Variants in NALF1 observed in about 807,000 individuals in gnomAD.
NALF1 encodes the protein NALCN channel auxiliary factor 1.
A neutral mutation model predicts 48.4 loss-of-function variants in NALF1; 3 were observed. The observed-to-expected ratio is 0.06, with a 90% CI of 0.03 to 0.16. The LOEUF (loss-of-function observed/expected upper bound fraction) is 0.16. Among genes scored for constraint, NALF1 ranks in the 10% least tolerant of loss-of-function variants. The probability of loss-of-function intolerance (pLI) is 1.00; values close to 1 mark genes in which losing one functional copy is unlikely to be tolerated. For synonymous variants in NALF1, 262 were observed against 245.7 expected (o/e 1.07, Z -0.62); for missense variants, 526 against 571.5 (o/e 0.92, Z 0.81).
At chr13:107,823,869 A>G (rs1163920308) in intron 1 of NALF1, among the ~76,000 whole-genome samples, 6 of 152,182 alleles carry the variant, frequency 3.9e-5, no homozygotes, top group African/African-American at 1.4e-4. Flanking sequence ...AATGCGGATA[A>G]TAGTAATGCT....
At chr13:107,378,322 G>T (rs1234144360) in intron 1 of NALF1, among the ~76,000 whole-genome samples, 1 of 151,886 alleles carries the variant, frequency 6.6e-6, no homozygotes, top group African/African-American at 2.4e-5. Context: ...GTATACTTGA[G>T]TTATATATGA....
At chr13:107,443,061 G>A (rs765830936) in intron 1 of NALF1, among the ~76,000 whole-genome samples, 1 of 152,152 alleles carries the variant, frequency 6.6e-6, no homozygotes, top group Non-Finnish European at 1.5e-5. Flanking sequence ...AGCATTTGTG[G>A]TGGGTTAAAG....
At chr13:107,534,230 G>C (rs9520479) in intron 1 of NALF1, among the ~76,000 whole-genome samples, 64,541 of 152,016 alleles carry the variant, frequency 0.42, 16,293 homozygotes, top group Non-Finnish European at 0.56. Flanking sequence ...ACTCTGGAAA[G>C]TATGATCTTT....
chr13:107,250,666 T>C (rs1474659110), intron 1 of NALF1, among the ~76,000 whole-genome samples: 1 of 152,214 alleles, frequency 6.6e-6, no homozygotes, highest in Non-Finnish European at 1.5e-5. Flanking sequence ...TCTTCTCTAA[T>C]AAACAGTATG....
intron 1 of NALF1, among the ~76,000 whole-genome samples, chr13:107,556,610 G>C (rs886901224): frequency 2.0e-5 from 3 of 151,988 alleles, no homozygotes; most frequent in African/African-American, 7.3e-5. Context: ...TCCTGTCTCA[G>C]CCTCCCAAGT....
intron 1 of NALF1, among the ~76,000 whole-genome samples, chr13:107,709,815 C>T (rs955463494): frequency 9.9e-5 from 15 of 152,154 alleles, no homozygotes; most frequent in South Asian, 2.1e-4. Flanking sequence ...GCTAAGATGA[C>T]GATCTCAAAC....
chr13:107,349,352 C>G (rs997588044), intron 1 of NALF1, among the ~76,000 whole-genome samples: 2 of 152,086 alleles, frequency 1.3e-5, no homozygotes, highest in African/African-American at 2.4e-5. Context: ...GTGACGTCTG[C>G]CCCTTGTTGA....
intron 1 of NALF1, among the ~76,000 whole-genome samples, chr13:107,588,863 G>A (rs974827641): frequency 1.3e-5 from 2 of 152,020 alleles, no homozygotes; most frequent in Non-Finnish European, 2.9e-5. Flanking sequence ...TGTAAACCTC[G>A]GTAAATGGCA....
chr13:107,291,859 A>G (rs1440882371), intron 1 of NALF1, among the ~76,000 whole-genome samples: 4 of 152,208 alleles, frequency 2.6e-5, no homozygotes. Context: ...TTTTACTTTA[A>G]CAGTACATAT....
chr13:107,419,569 G>T (rs1223331034), intron 1 of NALF1, among the ~76,000 whole-genome samples: 1 of 152,304 alleles, frequency 6.6e-6, no homozygotes, highest in Admixed American at 6.5e-5. Flanking sequence ...TGAGGCACAG[G>T]TGGAAGTCCC....
chr13:107,243,254 C>T (rs1166745678), intron 1 of NALF1, among the ~76,000 whole-genome samples: 1 of 152,154 alleles, frequency 6.6e-6, no homozygotes, highest in African/African-American at 2.4e-5. Flanking sequence ...ATGCATCTTA[C>T]ATATTTTATG....
intron 1 of NALF1, among the ~76,000 whole-genome samples, chr13:107,471,095 A>G (rs1885092983): frequency 6.6e-6 from 1 of 152,216 alleles, no homozygotes; most frequent in Non-Finnish European, 1.5e-5. Context: ...CCATTGATAA[A>G]GCTGGCCATC....
At chr13:107,295,698 G>T (rs1881711978) in intron 1 of NALF1, among the ~76,000 whole-genome samples, 1 of 152,208 alleles carries the variant, frequency 6.6e-6, no homozygotes, top group African/African-American at 2.4e-5. Flanking sequence ...AACAAGAAAT[G>T]CTTGGCTGCA....
intron 1 of NALF1, among the ~76,000 whole-genome samples, chr13:107,807,130 T>A (rs1426860694): frequency 6.6e-6 from 1 of 152,160 alleles, no homozygotes; most frequent in Admixed American, 6.5e-5. Flanking sequence ...TTATCCTTTT[T>A]AAATTCAACT....
chr13:107,611,978 A>AGAGG (rs1566414507), intron 1 of NALF1, among the ~76,000 whole-genome samples: 3 of 139,160 alleles, frequency 2.2e-5, no homozygotes, highest in Non-Finnish European at 1.5e-5. Context: ...GAAAGAAGAG[A>AGAGG]AGAGAAGAGG....
intron 1 of NALF1, among the ~76,000 whole-genome samples, chr13:107,630,143 C>T (rs552604964): frequency 4.6e-5 from 7 of 151,554 alleles, no homozygotes; most frequent in East Asian, 2.0e-4. Context: ...TCAAGGTCAT[C>T]GCCAAGGTCT....
intron 2 of NALF1, among the ~76,000 whole-genome samples, chr13:107,171,956 T>C (rs1206598046): frequency 6.6e-6 from 1 of 152,220 alleles, no homozygotes; most frequent in Non-Finnish European, 1.5e-5. Flanking sequence ...TGGGCTGCTG[T>C]GAAAAACAAT....
chr13:107,308,697 T>G (rs55654204), intron 1 of NALF1, among the ~76,000 whole-genome samples: 6,649 of 152,308 alleles, frequency 0.044, 227 homozygotes, highest in East Asian at 0.19. Context: ...TGCTCAGTGA[T>G]TGAAAATATA....
rs189400268 is a variant in NALF1, at chr13:107,599,818, A to G, written c.915+265864T>C. Among the ~76,000 whole-genome samples, 359 of 152,324 alleles carry G rather than the reference A, an allele frequency of 2.4e-3. 2 individuals are homozygous for G. The highest frequency in any genetic ancestry group is 2.8e-3 in the Non-Finnish European group (191 of 68,028). ...TTCTTTATCTAAACAAGTTGTATAG[A>G]GTATGTTAGGGTAATCATACCTGCA... is the stretch of plus-strand genomic sequence containing the variant. On this transcript the variant is annotated intron_variant, in intron 1 of 2. Coordinates refer to ENST00000375915, the MANE Select transcript of NALF1 (RefSeq NM_001080396.3).
Sources: allele counts gnomAD v4.1 joint callset (sites outside exome capture counted in the v4.1 genomes callset), GRCh38; gene constraint gnomAD v4.1.1; transcripts MANE v1.5; gene names NCBI Gene and HGNC (gene_info 2026-07-23, HGNC 2026-07-21).